DNAH5: variants seen among roughly 807,000 people sequenced by gnomAD.
The protein encoded by DNAH5 is dynein axonemal heavy chain 5, also known as axonemal beta dynein heavy chain 5.
A neutral mutation model predicts 518.2 loss-of-function variants in DNAH5; 372 were observed. The observed-to-expected ratio is 0.72, with a 90% CI of 0.66 to 0.78. The LOEUF is 0.78. Among genes scored for constraint, DNAH5 ranks in the 30% least tolerant of loss-of-function variants. The pLI is 0.00. For missense variants in DNAH5, 5,523 were observed against 5,687.0 expected (o/e 0.97, Z 0.93); for synonymous variants, 2,039 against 2,025.9 (o/e 1.01, Z -0.17).
At chr5:13,907,158 C>T (rs1322907353) in intron 12 of DNAH5, among the ~76,000 whole-genome samples, 1 of 151,964 alleles carries the variant, frequency 6.6e-6, no homozygotes, top group Non-Finnish European at 1.5e-5. Flanking sequence ...AGGCCAGGCA[C>T]GGTGGCTCAC....
At chr5:13,880,941 C>T (rs1771586980) in intron 21 of DNAH5, among the ~76,000 whole-genome samples, 1 of 151,896 alleles carries the variant, frequency 6.6e-6, no homozygotes, top group African/African-American at 2.4e-5. Flanking sequence ...TTACAAGAGA[C>T]TCATTCCACC....
chr5:13,767,828 T>C (rs1345163239), intron 58 of DNAH5, among the ~76,000 whole-genome samples: 2 of 152,214 alleles, frequency 1.3e-5, no homozygotes, highest in African/African-American at 2.4e-5. Context: ...AACAGTTATC[T>C]AACATCTGGA....
At chr5:13,907,056 A>G (rs867418508) in intron 12 of DNAH5, among the ~76,000 whole-genome samples, 1 of 152,236 alleles carries the variant, frequency 6.6e-6, no homozygotes, top group Non-Finnish European at 1.5e-5. Flanking sequence ...AAATAATAAT[A>G]CAGACTAACC....
intron 24 of DNAH5, among the ~76,000 whole-genome samples, chr5:13,870,419 T>C (rs767264285): frequency 2.6e-5 from 4 of 152,146 alleles, no homozygotes; most frequent in Admixed American, 6.5e-5. Context: ...CCCAACTCAA[T>C]TGATGTTGTA....
chr5:13,767,493 G>A (rs1752668887), intron 58 of DNAH5, among the ~76,000 whole-genome samples: 1 of 152,182 alleles, frequency 6.6e-6, no homozygotes, highest in African/African-American at 2.4e-5. Flanking sequence ...ATGTGTAGTA[G>A]AGAACTGAAA....
At chr5:13,904,403 GAT>G (rs1051523664) in intron 12 of DNAH5, among the ~76,000 whole-genome samples, 11 of 147,798 alleles carry the variant, frequency 7.4e-5, no homozygotes, top group South Asian at 6.3e-4. Flanking sequence ...ATAAATTATA[GAT>G]ATATATATTA....
At position 13,707,020 on chromosome 5, in the gene DNAH5, G is replaced by GC. The variant is rs541845094; in HGVS notation, c.13338+1102dup. Among the ~76,000 whole-genome samples the GC allele has an allele frequency of 6.2e-4, 95 of 152,284 alleles. No individual in the cohort carries two copies. The highest frequency in any genetic ancestry group is 1.8e-3 in the African/African-American group (74 of 41,568). ...TTCCAAGACCACTCTGGCCCACCAT[G>GC]CCCCGCATCCTGTGCCCATATAAAC... is the stretch of plus-strand genomic sequence containing the variant. On this transcript the variant is annotated intron_variant, in intron 76 of 78. Transcript: ENST00000265104. This position sits in a 1 kb window ranked among gnomAD's most constrained non-coding sequence, Gnocchi z 4.0.
At chr5:13,914,754 G>C (rs1776441541) in intron 9 of DNAH5, 112 bp from the exon 10 acceptor site, 1 of 1,095,584 alleles carries the variant, frequency 9.1e-7, no homozygotes, top group Admixed American at 2.2e-5. Flanking sequence ...CTTCTAACTT[G>C]AGCTTGGGTT....
chr5:13,794,150 G>T, intron 47 of DNAH5, 92 bp from the exon 48 acceptor site: 2 of 1,525,540 alleles, frequency 1.3e-6, no homozygotes, highest in South Asian at 1.2e-5. Context: ...GGTAACCTTT[G>T]AACTGATATG....
rs1302569475 is a variant in DNAH5, at chr5:13,919,284, G to A, written c.867C>T (p.His289=). Residue 289 remains histidine, a synonymous_variant, in exon 7 of 79, where the codon CAC becomes CAT. Coordinates refer to ENST00000265104, the MANE Select transcript of DNAH5 (RefSeq NM_001369.3). Reference sequence around the variant, plus strand: ...TAAACTTGGAGAGTCTTTTTTTCCAGTGCTCCAGCTCCGCTCGTGGCCCAA... The same window carrying A: ...TAAACTTGGAGAGTCTTTTTTTCCAATGCTCCAGCTCCGCTCGTGGCCCAA... ...DDVGPRAELE[H]WKKRLSKFNY... 2.5e-6 allele frequency: 4 copies of A among 1,613,922 alleles called. No individual in the cohort carries two copies. The highest frequency in any genetic ancestry group is 2.5e-6 in the Non-Finnish European group (3 of 1,180,016).
chr5:13,794,891 C>A (rs530593374), intron 47 of DNAH5, among the ~76,000 whole-genome samples: 1 of 152,104 alleles, frequency 6.6e-6, no homozygotes, highest in East Asian at 1.9e-4. Flanking sequence ...GGTGTGAACC[C>A]GGGAGGCAGA....
intron 42 of DNAH5, among the ~76,000 whole-genome samples, chr5:13,817,171 C>G (rs371875677): frequency 9.9e-5 from 15 of 152,270 alleles, no homozygotes; most frequent in African/African-American, 3.6e-4. Context: ...ATAGAGAAAT[C>G]AATTCTTTAA....
At chr5:13,951,829 T>C (rs1258749374) in intron 1 of DNAH5, among the ~76,000 whole-genome samples, 5 of 152,148 alleles carry the variant, frequency 3.3e-5, no homozygotes, top group Admixed American at 6.5e-5. Flanking sequence ...TTAGTTTTCA[T>C]TAAAAAGAGA....
rs1318006902 is a variant in DNAH5, at chr5:13,894,773, T to C, written c.2308A>G (p.Ile770Val). The C allele has an allele frequency of 2.5e-6, 4 of 1,614,132 alleles. No homozygotes were observed. The highest frequency in any genetic ancestry group is 1.7e-5 in the Admixed American group (1 of 60,022). The change falls in exon 16 of 79, where the codon ATT becomes GTT. Residue 770 changes from isoleucine (I) to valine (V), a missense_variant. Physicochemically the swap from Ile to Val is conservative, Grantham distance 29. Coordinates refer to ENST00000265104, the MANE Select transcript of DNAH5 (RefSeq NM_001369.3). Reference sequence around the variant, plus strand: ...AAGTGAGGGACAATCAATTGCTCAATGGCAGCAGGTATTTTTGACTTCACT... The same window carrying C: ...AAGTGAGGGACAATCAATTGCTCAACGGCAGCAGGTATTTTTGACTTCACT... ...QRVKSKIPAAIEQLIVPHLAK... is the reference protein window; with the variant it reads ...QRVKSKIPAAVEQLIVPHLAK...
At chr5:13,934,106 C>A (rs2152014056) in intron 1 of DNAH5, among the ~76,000 whole-genome samples, 1 of 152,290 alleles carries the variant, frequency 6.6e-6, no homozygotes, top group East Asian at 1.9e-4. Context: ...ACTTCCTAAG[C>A]TAGTTCTTAA....
At chr5:13,998,841 G>A (rs1471761961) in intron 1 of DNAH5, among the ~76,000 whole-genome samples, 1 of 152,088 alleles carries the variant, frequency 6.6e-6, no homozygotes, top group Non-Finnish European at 1.5e-5. Flanking sequence ...TATTGCTTGA[G>A]AATTTCTTTT....
chr5:13,823,316 T>A lies in DNAH5; in HGVS notation c.6634A>T (p.Ile2212Phe), dbSNP rs868420466. 6.2e-6 allele frequency: 10 copies of A among 1,614,034 alleles called. No individual in the cohort carries two copies. In the Middle Eastern group the frequency reaches 1.6e-3, roughly 266 times the overall value. The change falls in exon 40 of 79, where the codon ATT becomes TTT. Residue 2212 changes from isoleucine to phenylalanine, a missense_variant. By Grantham distance (21) the Ile-to-Phe change is conservative. Around this residue, in one of 3 missense-constraint regions of DNAH5, gnomAD observed 5,121 missense variants for 5,223.3 expected, o/e 0.98. Transcript: ENST00000265104. The stretch of plus-strand genomic sequence containing the variant: ...GGGTAACCTGCCTTGTCCAGAAGAA[T>A]ATTTGGAAAGAGATCTTCAATCAAA... ...LSLIEDLFPNILLDKAGYPEL... is the reference protein window; with the variant it reads ...LSLIEDLFPNFLLDKAGYPEL...
At chr5:13,731,401 A>G (rs984944074) in intron 68 of DNAH5, among the ~76,000 whole-genome samples, 9 of 152,210 alleles carry the variant, frequency 5.9e-5, no homozygotes, top group Non-Finnish European at 1.2e-4. Context: ...CAGAAAGGAA[A>G]GAGTGTTCCT....
chr5:13,861,036 C>G (rs999383809), intron 29 of DNAH5, among the ~76,000 whole-genome samples: 1 of 152,100 alleles, frequency 6.6e-6, no homozygotes, highest in Non-Finnish European at 1.5e-5. Flanking sequence ...CCCACAGCGC[C>G]TAGAAGAGTA....
Sources: gnomAD v4.1 joint callset for allele counts (sites outside exome capture counted in the v4.1 genomes callset) on GRCh38, gnomAD v4.1.1 for gene constraint, gnomAD v4.1.1 regional missense constraint, Gnocchi (gnomAD v3.1) non-coding constraint, MANE v1.5 for transcripts, NCBI Gene and HGNC (gene_info 2026-07-23, HGNC 2026-07-21) for gene names.